Variants in IGSF10 observed in about 807,000 individuals in gnomAD.
IGSF10 encodes immunoglobulin superfamily member 10.
In IGSF10, 126 loss-of-function variants were observed where a neutral mutation model predicts 128.2. The ratio of observed to expected loss-of-function variants is 0.98; its 90% CI spans 0.85 to 1.14. The LOEUF (loss-of-function observed/expected upper bound fraction) is 1.14, where lower values mean the gene tolerates loss of function less well. IGSF10 is among the 50% of genes most tolerant of loss of function. The probability of loss-of-function intolerance (pLI) is 0.00; values close to 1 mark genes in which losing one functional copy is unlikely to be tolerated. For synonymous variants in IGSF10, 1,185 were observed against 1,146.2 expected, an observed-to-expected ratio of 1.03 and a Z score of -0.68; for missense variants, 3,295 against 3,149.8, an observed-to-expected ratio of 1.05 and a Z score of -1.10.
chr3:151,463,071 T>C (rs1358533718), upstream of IGSF10, among the ~76,000 whole-genome samples: 1 of 152,214 alleles, frequency 6.6e-6, no homozygotes, highest in Non-Finnish European at 1.5e-5. Context: ...CTTATTTTCC[T>C]AGGCTTGTTA....
At chr3:151,485,575 G>A in the IGSF10 span, among the ~76,000 whole-genome samples, 3,747 of 152,270 alleles carry the variant, frequency 0.025, 164 homozygotes, top group African/African-American at 0.085. Context: ...TGCACAAAGG[G>A]AAGCCCATCA....
rs1721992257 is a variant in IGSF10, at chr3:151,460,318, T to C, written c.-59A>G. ...GTGACATAGGCAGAGACAGAAAATCTTCCCAGGAAATGGAAAATTGTGTCC... is the reference window on the plus strand; with the variant it reads ...GTGACATAGGCAGAGACAGAAAATCCTCCCAGGAAATGGAAAATTGTGTCC... On this transcript the variant is annotated 5_prime_UTR_variant, in exon 2 of 8. Coordinates refer to ENST00000282466, the MANE Select transcript of IGSF10 (RefSeq NM_178822.5). 21 of 983,064 alleles carry C rather than the reference T, an allele frequency of 2.1e-5. No individual in the cohort carries two copies. Among genetic ancestry groups the C allele is most frequent in the Non-Finnish European group, 2.5e-5 (21 of 827,892 alleles). The allele number at this position is 983,064 out of a possible 1,614,324, so 60.9% of individuals were successfully genotyped here.
At chr3:151,573,711 G>A in the IGSF10 span, among the ~76,000 whole-genome samples, 6 of 152,160 alleles carry the variant, frequency 3.9e-5, no homozygotes, top group Non-Finnish European at 5.9e-5. Flanking sequence ...TTTAATTGGG[G>A]CATTTAGCCC....
the IGSF10 span, among the ~76,000 whole-genome samples, chr3:151,565,287 G>T: frequency 6.6e-6 from 1 of 152,168 alleles, no homozygotes; most frequent in Non-Finnish European, 1.5e-5. Flanking sequence ...CTAGAATCTA[G>T]TGCTTGACTT....
rs766055131 is a variant in IGSF10 at position 151,443,377 on chromosome 3, C to T, written c.5570G>A (p.Gly1857Asp). 1.9e-6 allele frequency: 3 copies of T among 1,614,220 alleles called. No homozygotes were observed. The highest frequency in any genetic ancestry group is 4.5e-5 in the East Asian group (2 of 44,894). Residue 1857 changes from glycine to aspartate, a missense_variant, in exon 7 of 8, where the codon GGT (glycine) becomes GAT (aspartate). Gly to Asp is a moderately conservative substitution (Grantham distance 94, BLOSUM62 -1). Coordinates refer to ENST00000282466, the MANE Select transcript of IGSF10 (RefSeq NM_178822.5). ...QRRQVIVGTWGESLKLPCTAK... is the reference protein window; with the variant it reads ...QRRQVIVGTWDESLKLPCTAK... ...AGTACAGGGCAGTTTTAAACTTTCA[C>T]CCCAAGTGCCTACAATGACTTGCCT...
At chr3:151,461,555 C>A (rs1423149528), upstream of IGSF10, 1 of 449,894 alleles carries the variant, frequency 2.2e-6, no homozygotes, top group African/African-American at 3.1e-5. Context: ...AGTGAAACAA[C>A]ATATCCATCA....
chr3:151,504,474 T>C, the IGSF10 span, among the ~76,000 whole-genome samples: 124,487 of 152,106 alleles, frequency 0.82, 51,034 homozygotes, highest in Middle Eastern at 0.93. Context: ...TTTTTGCTTA[T>C]GGTCAATAAT....
the IGSF10 span, among the ~76,000 whole-genome samples, chr3:151,547,009 G>T: frequency 1.2e-5 from 1 of 84,584 alleles, no homozygotes; most frequent in African/African-American, 4.2e-5. Context: ...GACCTCCGGC[G>T]ATCCACCCCC....
the IGSF10 span, among the ~76,000 whole-genome samples, chr3:151,602,573 A>G: frequency 6.6e-6 from 1 of 151,938 alleles, no homozygotes; most frequent in African/African-American, 2.4e-5. Flanking sequence ...TTACACTACA[A>G]TTTCATTTTT....
rs770756297 is a variant in IGSF10, at chr3:151,438,519, G to A, written c.6042C>T (p.Tyr2014=). 6.8e-6 allele frequency: 11 copies of A among 1,614,068 alleles called. No individual in the cohort carries two copies. The highest frequency in any genetic ancestry group is 4.4e-5 in the South Asian group (4 of 91,088). ...CCATTTTGTTTCTTGCCACACACAA[G>A]TAGACACCACTGTCTTTTTCTGTTA... ...GSVTEKDSGV[Y]LCVARNKMGD... The change falls in exon 8 of 8, where the codon TAC becomes TAT. Residue 2014 remains tyrosine, a synonymous_variant. Coordinates refer to ENST00000282466, the MANE Select transcript of IGSF10 (RefSeq NM_178822.5).
chr3:151,448,411 C>T lies in IGSF10; in HGVS notation c.1570G>A (p.Glu524Lys), dbSNP rs1348445355. ...TTGTCTATTAGGATCCGTCCATCCTCACTGACATAAGGGGCTCTCACTTTA... is the reference window on the plus strand; with the variant it reads ...TTGTCTATTAGGATCCGTCCATCCTTACTGACATAAGGGGCTCTCACTTTA... ...GSKVRAPYVSEDGRILIDKSG... is the reference protein window; with the variant it reads ...GSKVRAPYVSKDGRILIDKSG... Residue 524 changes from glutamate to lysine, a missense_variant, in exon 6 of 8, where the codon GAG (glutamate) becomes AAG (lysine). By Grantham distance (56) the Glu-to-Lys change is moderately conservative. Coordinates refer to ENST00000282466, the MANE Select transcript of IGSF10 (RefSeq NM_178822.5). 2 of 1,614,258 alleles carry T rather than the reference C, an allele frequency of 1.2e-6. No homozygotes were observed. Among genetic ancestry groups the T allele is most frequent in the South Asian group, 2.2e-5 (2 of 91,084 alleles).
chr3:151,612,129 C>T, the IGSF10 span, among the ~76,000 whole-genome samples: 10,871 of 152,218 alleles, frequency 0.071, 505 homozygotes, highest in Middle Eastern at 0.12. Flanking sequence ...ATCCATCTTG[C>T]AGTTTCTTTT....
At chr3:151,591,469 A>C in the IGSF10 span, among the ~76,000 whole-genome samples, 2 of 148,738 alleles carry the variant, frequency 1.3e-5, no homozygotes, top group Non-Finnish European at 3.0e-5. Context: ...TTTACCAGAT[A>C]CTAAAGATAG....
chr3:151,450,264 T>C (rs1157037625), intron 5 of IGSF10, among the ~76,000 whole-genome samples: 1 of 152,228 alleles, frequency 6.6e-6, no homozygotes, highest in Non-Finnish European at 1.5e-5. Context: ...GACTTTTCCC[T>C]TACACAAAAT....
chr3:151,580,164 C>A, the IGSF10 span, among the ~76,000 whole-genome samples: 1 of 152,020 alleles, frequency 6.6e-6, no homozygotes, highest in Non-Finnish European at 1.5e-5. Flanking sequence ...GGCAATATAG[C>A]AAGATCCAGT....
At chr3:151,434,037 A>G (rs1433701356), downstream of IGSF10, 1 of 152,532 alleles carries the variant, frequency 6.6e-6, no homozygotes, top group Non-Finnish European at 1.5e-5. Flanking sequence ...TCTATATAAT[A>G]TTTTTTTAGA....
the IGSF10 span, among the ~76,000 whole-genome samples, chr3:151,560,632 T>G: frequency 6.6e-6 from 1 of 152,148 alleles, no homozygotes; most frequent in Non-Finnish European, 1.5e-5. Flanking sequence ...TAATCCCATT[T>G]ATAAACACAA....
the IGSF10 span, among the ~76,000 whole-genome samples, chr3:151,503,986 C>A: frequency 6.6e-6 from 1 of 152,010 alleles, no homozygotes; most frequent in Non-Finnish European, 1.5e-5. Flanking sequence ...AAACACCAAC[C>A]TTAGGTTTTA....
In IGSF10 at chr3:151,443,820, G is replaced by A. The variant is rs757583116; in HGVS notation, c.5127C>T (p.Ser1709=). 1.2e-6 allele frequency: 2 copies of A among 1,614,004 alleles called. No individual in the cohort carries two copies. Among genetic ancestry groups the A allele is most frequent in the Non-Finnish European group, 1.7e-6 (2 of 1,179,924 alleles). Residue 1709 remains serine (S), a synonymous_variant, in exon 7 of 8, where the codon TCC becomes TCT. Coordinates refer to ENST00000282466, the MANE Select transcript of IGSF10 (RefSeq NM_178822.5). ...RVQVLPNGTL[S]IQRVEIQDRG... Reference sequence around the variant, plus strand: ...GGTCCTGAATTTCCACCCTCTGGATGGACAGGGTACCATTGGGGAGAACCT... The same window carrying A: ...GGTCCTGAATTTCCACCCTCTGGATAGACAGGGTACCATTGGGGAGAACCT...
Sources: allele counts gnomAD v4.1 joint callset (sites outside exome capture counted in the v4.1 genomes callset), GRCh38; gene constraint gnomAD v4.1.1; transcripts MANE v1.5; gene names NCBI Gene and HGNC (gene_info 2026-07-23, HGNC 2026-07-21).